The following ABCC1 variants were observed in gnomAD, a reference collection of about 807,000 sequenced individuals.
The protein encoded by ABCC1 is multidrug resistance-associated protein 1.
ABCC1 carries 83 observed loss-of-function variants against 172.9 expected under a neutral mutation model. That is an observed-to-expected ratio of 0.48 (90% confidence interval 0.40 to 0.58). The LOEUF (loss-of-function observed/expected upper bound fraction) is 0.58. Among genes scored for constraint, ABCC1 ranks in the 20% least tolerant of loss-of-function variants. ABCC1 has a pLI of 0.00. For synonymous variants in ABCC1, 937 were observed against 825.2 expected (o/e 1.14, Z -2.32); for missense variants, 1,817 against 2,002.7 (o/e 0.91, Z 1.77).
chr16:16,089,211 T>C (rs1567390484), intron 18 of ABCC1, among the ~76,000 whole-genome samples: 1 of 152,086 alleles, frequency 6.6e-6, no homozygotes, highest in Non-Finnish European at 1.5e-5. Flanking sequence ...TATTTTGTAG[T>C]GGTTTTGGGG....
intron 1 of ABCC1, among the ~76,000 whole-genome samples, chr16:15,996,079 G>T (rs972229571): frequency 3.3e-5 from 5 of 150,628 alleles, no homozygotes; most frequent in African/African-American, 1.2e-4. Flanking sequence ...CCACCTCCTG[G>T]GTTCAAGCGA....
At chr16:16,009,938 C>CACTTT in intron 3 of ABCC1, 37 bp downstream of exon 3, 1 of 1,536,494 alleles carries the variant, frequency 6.5e-7, no homozygotes, top group Non-Finnish European at 8.8e-7. Context: ...GGGCCATCTG[C>CACTTT]TGGGCTCAGT....
chr16:15,964,056 G>A (rs924524431), intron 1 of ABCC1, among the ~76,000 whole-genome samples: 1 of 151,572 alleles, frequency 6.6e-6, no homozygotes, highest in Non-Finnish European at 1.5e-5. Context: ...CAATTCTCCT[G>A]CCTCAGCATC....
At chr16:15,990,174 C>A (rs2046826050) in intron 1 of ABCC1, among the ~76,000 whole-genome samples, 1 of 152,132 alleles carries the variant, frequency 6.6e-6, no homozygotes, top group Admixed American at 6.6e-5. Flanking sequence ...CCTGCCTCAG[C>A]CTCCCAAGCA....
chr16:16,137,939 C>CT (rs139719895), intron 29 of ABCC1, among the ~76,000 whole-genome samples: 3,148 of 152,000 alleles, frequency 0.021, 52 homozygotes, highest in Middle Eastern at 0.061. Flanking sequence ...ATCTCGGACT[C>CT]TAACTCCTGG....
rs386384360 is a variant in ABCC1, at chr16:16,139,611, C to CA, written c.4487+1076dup. Among the ~76,000 whole-genome samples the CA allele has an allele frequency of 5.3e-3, 299 of 56,932 alleles. 18 individuals carry two copies. Among genetic ancestry groups the CA allele is most frequent in the East Asian group, 0.016 (26 of 1,608 alleles). 37.3% of individuals were successfully genotyped at this position (56,932 alleles called of 152,430 possible). On this transcript the variant is annotated intron_variant, in intron 30 of 30. Transcript: ENST00000399410. ...TGGGCAACAGAGTGAGACTCCATCTCAAAAAAAAAAAAAAAAAAAAAAAGA... is the reference window on the plus strand; with the variant it reads ...TGGGCAACAGAGTGAGACTCCATCTCAAAAAAAAAAAAAAAAAAAAAAAAGA...
chr16:16,111,482 C>T lies in ABCC1; in HGVS notation c.2979C>T (p.Asn993=), dbSNP rs971649676. The part of the protein sequence containing the change: ...MCNHVSALAS[N]YWLSLWTDDP... ...ACCATGTGTCCGCGCTGGCTTCCAA[C>T]TATTGGCTCAGCCTCTGGACTGATG... The change falls in exon 22 of 31, where the codon AAC becomes AAT. Residue 993 remains asparagine, a synonymous_variant. Transcript: ENST00000399410. 1.2e-6 allele frequency: 2 copies of T among 1,614,068 alleles called. No individual in the cohort carries two copies. The highest frequency in any genetic ancestry group is 1.7e-6 in the Non-Finnish European group (2 of 1,180,034).
At chr16:16,116,554 G>A (rs561005046) in intron 23 of ABCC1, among the ~76,000 whole-genome samples, 1 of 152,002 alleles carries the variant, frequency 6.6e-6, no homozygotes, top group South Asian at 2.1e-4. Context: ...CCACATTAGA[G>A]GCGTTATTTT....
At chr16:16,026,937 C>A (rs1048644818) in intron 5 of ABCC1, among the ~76,000 whole-genome samples, 2 of 152,018 alleles carry the variant, frequency 1.3e-5, no homozygotes, top group African/African-American at 4.8e-5. Flanking sequence ...AAACAAAAAA[C>A]TGTGCAGTGT....
At chr16:15,972,049 C>A (rs2046381894) in intron 1 of ABCC1, among the ~76,000 whole-genome samples, 1 of 152,162 alleles carries the variant, frequency 6.6e-6, no homozygotes, top group South Asian at 2.1e-4. Context: ...GTATGCCCAG[C>A]CCTCTCTGCA....
intron 1 of ABCC1, among the ~76,000 whole-genome samples, chr16:15,962,027 C>A (rs987158623): frequency 2.0e-5 from 3 of 152,188 alleles, no homozygotes; most frequent in Non-Finnish European, 4.4e-5. Context: ...TGTCAGGTTA[C>A]TGCAGCAGTT....
At chr16:16,035,083 G>T (rs1269394886) in intron 6 of ABCC1, among the ~76,000 whole-genome samples, 6 of 152,122 alleles carry the variant, frequency 3.9e-5, no homozygotes, top group African/African-American at 1.4e-4. Flanking sequence ...AACAAAACAT[G>T]AAAGTATTTT....
chr16:15,984,448 CT>C (rs1555475245), intron 1 of ABCC1, among the ~76,000 whole-genome samples: 7 of 146,988 alleles, frequency 4.8e-5, no homozygotes, highest in Non-Finnish European at 3.0e-5. Flanking sequence ...TTGATATATA[CT>C]TTTTTTTTTT....
rs770433015 is a variant in ABCC1 at position 15,952,877 on chromosome 16, C to CA, written c.48+3093dup. On this transcript the variant is annotated intron_variant, in intron 1 of 30. Coordinates refer to ENST00000399410, the MANE Select transcript of ABCC1 (RefSeq NM_004996.4). ...TGACCCCCGTCTCTACTAATAATAC[C>CA]AAAAAAAAAAAAAAAGCCTGGCATG... is the stretch of plus-strand genomic sequence containing the variant. Among the ~76,000 whole-genome samples, 707 of 102,942 alleles carry CA rather than the reference C, an allele frequency of 6.9e-3. 3 individuals carry two copies. The highest frequency in any genetic ancestry group is 0.02 in the Middle Eastern group (3 of 150). 67.5% of individuals were successfully genotyped at this position (102,942 alleles called of 152,430 possible).
At chr16:16,006,877 C>CGGTGGT (rs1417382268) in intron 1 of ABCC1, among the ~76,000 whole-genome samples, 1 of 149,392 alleles carries the variant, frequency 6.7e-6, no homozygotes, top group South Asian at 2.1e-4. Context: ...GTGGCGGTGG[C>CGGTGGT]GGTGATGGTG....
rs1597160927 is a variant in ABCC1, at chr16:16,042,500, C to T, written c.810-1950C>T. The stretch of plus-strand genomic sequence containing the variant: ...GGCAGATCACTTGAGGTCAGGAGTT[C>T]AAGACCAGCTTGGCTAACATGGTGA... On this transcript the variant is annotated intron_variant, in intron 7 of 30. Coordinates refer to ENST00000399410, the MANE Select transcript of ABCC1 (RefSeq NM_004996.4). Among the ~76,000 whole-genome samples, 3 of 152,162 alleles carry T rather than the reference C, an allele frequency of 2.0e-5. No individual in the cohort carries two copies. In the East Asian group the frequency reaches 5.8e-4, roughly 30 times the overall value.
At chr16:15,953,798 G>T (rs563643004) in intron 1 of ABCC1, among the ~76,000 whole-genome samples, 1 of 152,160 alleles carries the variant, frequency 6.6e-6, no homozygotes, top group African/African-American at 2.4e-5. Flanking sequence ...TGACTTAGCC[G>T]CCAAGGAAGA....
intron 5 of ABCC1, among the ~76,000 whole-genome samples, chr16:16,023,245 A>G (rs898250989): frequency 1.3e-5 from 2 of 152,186 alleles, no homozygotes; most frequent in African/African-American, 2.4e-5. Context: ...TTCGAAATAT[A>G]TTAGTATTCT....
At chr16:15,997,371 G>T (rs1325055890) in intron 1 of ABCC1, among the ~76,000 whole-genome samples, 1 of 152,184 alleles carries the variant, frequency 6.6e-6, no homozygotes, top group African/African-American at 2.4e-5. Flanking sequence ...GATTATAGGC[G>T]TGAGCCACCG....
Sources: allele counts gnomAD v4.1 joint callset (sites outside exome capture counted in the v4.1 genomes callset), GRCh38; gene constraint gnomAD v4.1.1; transcripts MANE v1.5; gene names NCBI Gene and HGNC (gene_info 2026-07-23, HGNC 2026-07-21).